RBFOX3: variants seen among roughly 807,000 people sequenced by gnomAD.
RBFOX3 encodes RNA binding protein fox-1 homolog 3.
In RBFOX3, 17 loss-of-function variants were observed where a neutral mutation model predicts 48.7. That is an observed-to-expected ratio of 0.35 (90% confidence interval 0.24 to 0.52). The LOEUF (loss-of-function observed/expected upper bound fraction) is 0.52, where lower values mean the gene tolerates loss of function less well. Ranked by LOEUF, RBFOX3 falls within the 20% of genes least tolerant of loss-of-function variation. The pLI, the probability that RBFOX3 is intolerant of heterozygous loss-of-function variation, is 0.94. For synonymous variants in RBFOX3, 212 were observed against 209.5 expected (o/e 1.01, Z -0.10); for missense variants, 382 against 497.5 (o/e 0.77, Z 2.21).
At chr17:79,209,688 C>T (rs2058082488) in intron 4 of RBFOX3, among the ~76,000 whole-genome samples, 1 of 152,118 alleles carries the variant, frequency 6.6e-6, no homozygotes, top group African/African-American at 2.4e-5. Context: ...GCATGGCTCA[C>T]ATGTGCTATG....
At chr17:79,223,330 T>A (rs377272181) in intron 4 of RBFOX3, among the ~76,000 whole-genome samples, 4 of 152,030 alleles carry the variant, frequency 2.6e-5, no homozygotes, top group African/African-American at 9.7e-5. Context: ...CAGCTGCATG[T>A]GTATCTGCAC....
intron 2 of RBFOX3, among the ~76,000 whole-genome samples, chr17:79,416,132 G>A (rs2065313765): frequency 6.6e-6 from 1 of 152,222 alleles, no homozygotes; most frequent in Admixed American, 6.5e-5. Context: ...GCCCACAGGT[G>A]CCCCCACAAG....
chr17:79,323,925 A>G (rs1335378998), intron 2 of RBFOX3, among the ~76,000 whole-genome samples: 2 of 152,230 alleles, frequency 1.3e-5, no homozygotes, highest in Non-Finnish European at 2.9e-5. Flanking sequence ...TTGCATTTCC[A>G]GGCTATTTTG....
chr17:79,121,089 G>C (rs1414267861), intron 4 of RBFOX3, among the ~76,000 whole-genome samples: 1 of 151,952 alleles, frequency 6.6e-6, no homozygotes, highest in Non-Finnish European at 1.5e-5. Flanking sequence ...CTTGCTTCCT[G>C]TTTTCTAGGA....
chr17:79,656,546 G>A, the RBFOX3 span, among the ~76,000 whole-genome samples: 22 of 151,568 alleles, frequency 1.5e-4, no homozygotes, highest in African/African-American at 3.9e-4. Context: ...CGTGGGAGGC[G>A]GAGGTTGCAG....
the RBFOX3 span, among the ~76,000 whole-genome samples, chr17:79,639,485 T>C: frequency 6.6e-6 from 1 of 152,174 alleles, no homozygotes; most frequent in Non-Finnish European, 1.5e-5. Flanking sequence ...CCCAAGCTAA[T>C]TTTATGAGGC....
At chr17:79,106,904 TC>T in intron 5 of RBFOX3, 116 bp from the exon 6 acceptor site, 1 of 1,312,348 alleles carries the variant, frequency 7.6e-7, no homozygotes, top group Non-Finnish European at 1.0e-6. Context: ...TCTGGGCCTC[TC>T]CCCCATCCCT....
chr17:79,545,752 C>T (rs1372807140), intron 1 of RBFOX3, among the ~76,000 whole-genome samples: 3 of 152,218 alleles, frequency 2.0e-5, no homozygotes, highest in African/African-American at 7.2e-5. Flanking sequence ...CCCAGCTGTC[C>T]TGAGCCTTCA....
chr17:79,554,527 G>A (rs1012155892), intron 1 of RBFOX3, among the ~76,000 whole-genome samples: 3 of 149,348 alleles, frequency 2.0e-5, no homozygotes, highest in Non-Finnish European at 3.0e-5. Flanking sequence ...CCCTTTCTTC[G>A]TGGGTGCTTC....
chr17:79,559,285 A>T (rs1197130948), intron 1 of RBFOX3, among the ~76,000 whole-genome samples: 3 of 151,864 alleles, frequency 2.0e-5, no homozygotes, highest in African/African-American at 7.3e-5. Flanking sequence ...ATGGTGGGTC[A>T]TGGTGGGTGG....
At chr17:79,387,988 G>C (rs1056404276) in intron 2 of RBFOX3, among the ~76,000 whole-genome samples, 2 of 136,170 alleles carry the variant, frequency 1.5e-5, no homozygotes, top group Non-Finnish European at 1.6e-5. Context: ...GTGTGTGCAT[G>C]TGTGAATGTG....
intron 1 of RBFOX3, chr17:79,598,170 C>T (rs1055118616): frequency 2.0e-5 from 3 of 152,286 alleles, no homozygotes; most frequent in East Asian, 1.9e-4. Context: ...GGAGCAGGAG[C>T]GCTGCCTGCT....
chr17:79,142,809 C>A (rs974227375), intron 4 of RBFOX3, among the ~76,000 whole-genome samples: 1 of 152,188 alleles, frequency 6.6e-6, no homozygotes, highest in Non-Finnish European at 1.5e-5. Flanking sequence ...CCCCAAGGTC[C>A]TCTGGTTCCC....
intron 4 of RBFOX3, among the ~76,000 whole-genome samples, chr17:79,223,762 C>T (rs932157385): frequency 6.6e-6 from 1 of 152,140 alleles, no homozygotes. Flanking sequence ...TGTCCTGGGC[C>T]GTCGACACAT....
At chr17:79,134,570 G>T (rs892838032) in intron 4 of RBFOX3, among the ~76,000 whole-genome samples, 2 of 152,210 alleles carry the variant, frequency 1.3e-5, no homozygotes, top group African/African-American at 2.4e-5. Flanking sequence ...TCAAAGTCTG[G>T]ACTGCGGACC....
the RBFOX3 span, among the ~76,000 whole-genome samples, chr17:79,656,342 G>T: frequency 6.6e-6 from 1 of 152,174 alleles, no homozygotes; most frequent in Admixed American, 6.5e-5. Context: ...GGCCGGGCAC[G>T]GTGGCTCACA....
At chr17:79,493,216 AG>A (rs1232830652) in intron 1 of RBFOX3, among the ~76,000 whole-genome samples, 1 of 152,086 alleles carries the variant, frequency 6.6e-6, no homozygotes, top group Non-Finnish European at 1.5e-5. Context: ...GAACTAATTG[AG>A]GGACAACTCA....
chr17:79,608,887 A>C lies in RBFOX3; in HGVS notation c.-320+1939T>G, dbSNP rs1035608850. 4.1e-3 allele frequency among the ~76,000 whole-genome samples: 627 copies of C among 152,156 alleles called. 7 individuals carry two copies. The highest frequency in any genetic ancestry group is 0.013 in the African/African-American group (548 of 41,534). ...CTCGCCCGCAGGAGGCGGAGAAGGA[A>C]GGCGCGCCGGGATGGTTCTAAGAAG... On this transcript the variant is annotated intron_variant, in intron 1 of 14. Transcript: ENST00000693108.
At chr17:79,260,436 C>A (rs965453991) in intron 3 of RBFOX3, among the ~76,000 whole-genome samples, 1 of 152,210 alleles carries the variant, frequency 6.6e-6, no homozygotes, top group African/African-American at 2.4e-5. Flanking sequence ...AGCTAGGAAC[C>A]CTGAGAAGAA....
Sources: gnomAD v4.1 joint callset for allele counts (sites outside exome capture counted in the v4.1 genomes callset) on GRCh38, gnomAD v4.1.1 for gene constraint, MANE v1.5 for transcripts, NCBI Gene and HGNC (gene_info 2026-07-23, HGNC 2026-07-21) for gene names.